CORIN: variants seen among roughly 807,000 people sequenced by gnomAD.
CORIN encodes the protein atrial natriuretic peptide-converting enzyme.
CORIN carries 117 observed loss-of-function variants against 125.3 expected under a neutral mutation model. The observed-to-expected ratio is 0.93, with a 90% CI of 0.80 to 1.09. The LOEUF (loss-of-function observed/expected upper bound fraction) is 1.09. Ranked by LOEUF, CORIN falls within the 50% of genes least tolerant of loss-of-function variation. The pLI is 0.00. For missense variants in CORIN, 1,253 were observed against 1,306.7 expected, an observed-to-expected ratio of 0.96 and a Z score of 0.63; for synonymous variants, 450 against 466.4, an observed-to-expected ratio of 0.96 and a Z score of 0.45.
In CORIN at chr4:47,763,722, T is replaced by G. The variant is rs1729579247; in HGVS notation, c.410-136A>C. 1.5e-5 allele frequency: 10 copies of G among 662,538 alleles called. No individual in the cohort carries two copies. In the East Asian group the frequency reaches 2.7e-4, roughly 18 times the overall value. The allele number at this position is 662,538 out of a possible 1,614,324, so 41.0% of individuals were successfully genotyped here. Reference sequence around the variant, plus strand: ...TTAGATATGCAATCATACACATAGGTGCATGTAAGTATGTGTATGTGTATG... The same window carrying G: ...TTAGATATGCAATCATACACATAGGGGCATGTAAGTATGTGTATGTGTATG... On this transcript the variant is annotated intron_variant, in intron 3 of 21. Transcript: ENST00000273857.
At chr4:47,648,122 T>C (rs1334614229) in intron 13 of CORIN, among the ~76,000 whole-genome samples, 1 of 152,214 alleles carries the variant, frequency 6.6e-6, no homozygotes, top group East Asian at 1.9e-4. Context: ...GAAACCACTT[T>C]CTTTGTAAAG....
intron 1 of CORIN, among the ~76,000 whole-genome samples, chr4:47,830,193 T>A (rs1210584452): frequency 6.6e-6 from 1 of 152,078 alleles, no homozygotes; most frequent in Non-Finnish European, 1.5e-5. Context: ...TGGAGACCAA[T>A]GTAACTTCCA....
intron 16 of CORIN, among the ~76,000 whole-genome samples, chr4:47,636,597 TGATA>T (rs1210378519): frequency 6.6e-6 from 1 of 152,164 alleles, no homozygotes; most frequent in Non-Finnish European, 1.5e-5. Flanking sequence ...GCTGTTCTCA[TGATA>T]GTGAATGAGT....
At chr4:47,692,625 C>G (rs1049241966) in intron 6 of CORIN, among the ~76,000 whole-genome samples, 7 of 151,516 alleles carry the variant, frequency 4.6e-5, no homozygotes, top group Non-Finnish European at 1.0e-4. Flanking sequence ...GAAAATGTTG[C>G]TATAAAAATG....
intron 5 of CORIN, among the ~76,000 whole-genome samples, chr4:47,736,123 C>T (rs945478345): frequency 2.6e-5 from 4 of 151,988 alleles, no homozygotes; most frequent in Admixed American, 1.3e-4. Context: ...CTAATGAAGA[C>T]TGTAAGCATT....
intron 5 of CORIN, among the ~76,000 whole-genome samples, chr4:47,717,876 A>T (rs1326865605): frequency 6.6e-6 from 1 of 152,230 alleles, no homozygotes; most frequent in Non-Finnish European, 1.5e-5. Flanking sequence ...AGCAGAAGAT[A>T]GTGGGAATGT....
chr4:47,628,975 G>A (rs1722697445), intron 16 of CORIN, among the ~76,000 whole-genome samples: 1 of 152,004 alleles, frequency 6.6e-6, no homozygotes, highest in Admixed American at 6.6e-5. Flanking sequence ...TTCATATCTT[G>A]GGTATTATGA....
intron 3 of CORIN, among the ~76,000 whole-genome samples, chr4:47,766,996 G>T (rs1010866589): frequency 1.4e-5 from 2 of 148,036 alleles, no homozygotes; most frequent in African/African-American, 4.9e-5. Context: ...CAAGATGTTT[G>T]ATTAAGCACA....
chr4:47,596,808 G>C (rs2109495637), intron 21 of CORIN, among the ~76,000 whole-genome samples: 1 of 152,260 alleles, frequency 6.6e-6, no homozygotes, highest in African/African-American at 2.4e-5. Context: ...GAAGAACATA[G>C]GACTAATGTT....
At chr4:47,714,982 A>C (rs1239958125) in intron 5 of CORIN, among the ~76,000 whole-genome samples, 1 of 152,254 alleles carries the variant, frequency 6.6e-6, no homozygotes, top group African/African-American at 2.4e-5. Flanking sequence ...CTTGACCTCA[A>C]GATTATTTTA....
chr4:47,829,157 CAAAAAAAAAAAAAAA>C (rs35771383), intron 1 of CORIN, among the ~76,000 whole-genome samples: 6 of 64,270 alleles, frequency 9.3e-5, no homozygotes, highest in African/African-American at 1.4e-4. Context: ...GACTCCGTCT[CAAAAAAAAAAAAAAA>C]AAAAAAAAAA....
intron 13 of CORIN, among the ~76,000 whole-genome samples, chr4:47,645,686 T>C (rs979324504): frequency 3.3e-5 from 5 of 152,034 alleles, no homozygotes; most frequent in Admixed American, 6.6e-5. Context: ...GCTCAGGAGT[T>C]GGAGACCAGC....
chr4:47,790,231 G>A (rs1731013953), intron 2 of CORIN: 3 of 984,790 alleles, frequency 3.0e-6, no homozygotes, highest in Non-Finnish European at 3.6e-6. Context: ...CTCTTCATGG[G>A]GCTGGCTGTG....
In CORIN at chr4:47,837,878, C is replaced by G. The variant is rs926493343; in HGVS notation, c.63+9G>C. 2.5e-6 allele frequency: 4 copies of G among 1,612,600 alleles called. No homozygotes were observed. Among genetic ancestry groups the G allele is most frequent in the Admixed American group, 1.7e-5 (1 of 60,000 alleles). On this transcript the variant is annotated intron_variant, in intron 1 of 21. Transcript: ENST00000273857. ...TGGCTGCGGTAGGACAGCGAATCAT[C>G]GATCTTACCGGCTTTGGGGACCCGG...
chr4:47,811,938 T>C (rs766832305), intron 1 of CORIN, among the ~76,000 whole-genome samples: 1 of 152,186 alleles, frequency 6.6e-6, no homozygotes, highest in Non-Finnish European at 1.5e-5. Flanking sequence ...AGAAAAAGTA[T>C]GTGAGCCCCT....
chr4:47,608,640 C>T (rs1025893930), intron 19 of CORIN, among the ~76,000 whole-genome samples: 1 of 152,168 alleles, frequency 6.6e-6, no homozygotes, highest in Non-Finnish European at 1.5e-5. Context: ...ATTTGCTTCA[C>T]GTTTACACTA....
At chr4:47,663,161 A>T (rs889881577) in intron 11 of CORIN, among the ~76,000 whole-genome samples, 7 of 152,164 alleles carry the variant, frequency 4.6e-5, no homozygotes, top group Admixed American at 2.6e-4. Context: ...CAGCACCACA[A>T]GTCCAGGGGG....
intron 9 of CORIN, among the ~76,000 whole-genome samples, chr4:47,676,213 T>C (rs1283925285): frequency 6.6e-6 from 1 of 152,212 alleles, no homozygotes; most frequent in Non-Finnish European, 1.5e-5. Context: ...GACAATTATG[T>C]AGTATTTAGT....
chr4:47,673,325 G>A (rs898158066), intron 10 of CORIN, among the ~76,000 whole-genome samples: 4 of 150,836 alleles, frequency 2.7e-5, no homozygotes, highest in South Asian at 4.2e-4. Context: ...GCAGTGAGCC[G>A]ATATCGTGCC....
Sources: allele counts gnomAD v4.1 joint callset (sites outside exome capture counted in the v4.1 genomes callset), GRCh38; gene constraint gnomAD v4.1.1; transcripts MANE v1.5; gene names NCBI Gene and HGNC (gene_info 2026-07-23, HGNC 2026-07-21).